The following ABCF1 variants were observed in gnomAD, a reference collection of about 807,000 sequenced individuals.
ABCF1 encodes the protein ATP binding cassette subfamily F member 1.
In ABCF1, 73 loss-of-function variants were observed where a neutral mutation model predicts 126.3. The ratio of observed to expected loss-of-function variants is 0.58; its 90% CI spans 0.48 to 0.70. ABCF1 has a LOEUF of 0.70. Among genes scored for constraint, ABCF1 ranks in the 30% least tolerant of loss-of-function variants. ABCF1 has a pLI of 0.00. For missense variants in ABCF1, 786 were observed against 1,057.5 expected (o/e 0.74, Z 3.56); for synonymous variants, 345 against 396.4 (o/e 0.87, Z 1.54).
chr6:30,585,715 G>A (rs1371701184), intron 16 of ABCF1, 33 bp downstream of exon 16: 2 of 1,609,124 alleles, frequency 1.2e-6, no homozygotes, highest in East Asian at 2.2e-5. Flanking sequence ...GCAGGGAAGA[G>A]ATAGAACCTC....
At chr6:30,576,057 G>A (rs1445698619) in intron 1 of ABCF1, among the ~76,000 whole-genome samples, 1 of 142,650 alleles carries the variant, frequency 7.0e-6, no homozygotes, top group African/African-American at 2.6e-5. Flanking sequence ...CTGGGTGACA[G>A]AGCAAGACCC....
chr6:30,582,938 CT>C, intron 9 of ABCF1, 127 bp from the exon 10 acceptor site: 2 of 1,257,046 alleles, frequency 1.6e-6, no homozygotes, highest in South Asian at 2.9e-5. Flanking sequence ...AGAGATCCAC[CT>C]ACCTCAGCCT....
Position 30,584,474 on chromosome 6 carries a change from G to GA in ABCF1, c.1300dup (p.Ile434AsnfsTer8). On this transcript the variant is annotated frameshift_variant, in exon 14 of 25. Transcript: ENST00000326195. LOFTEE classifies it high-confidence loss of function. This position sits in a 1 kb window ranked among gnomAD's most constrained non-coding sequence, Gnocchi z 4.6. ...CAGCTGCAGAGGCCAAAGCACGGCG[G>GA]ATCCTGGCTGGCCTGGGCTTTGACC... The GA allele has an allele frequency of 6.2e-7, 1 of 1,613,080 alleles. No homozygotes were observed. The highest frequency in any genetic ancestry group is 8.5e-7 in the Non-Finnish European group (1 of 1,180,036).
Position 30,583,239 on chromosome 6 carries a change from T to G in ABCF1, c.915+51T>G, listed in dbSNP as rs755917050. ...GTCCACTTACCTAGGGAAGAGCCAG[T>G]TCTCTCATCTTCCCTGAGTGGCTGT... On this transcript the variant is annotated intron_variant, in intron 10 of 24. Transcript: ENST00000326195. The surrounding 1 kb of genome is among the most constrained non-coding windows in gnomAD (Gnocchi z 4.1). 3.2e-6 allele frequency: 5 copies of G among 1,565,332 alleles called. No individual in the cohort carries two copies. Among genetic ancestry groups the G allele is most frequent in the Non-Finnish European group, 4.3e-6 (5 of 1,149,590 alleles).
At chr6:30,575,896 C>T (rs1348409678) in intron 1 of ABCF1, among the ~76,000 whole-genome samples, 1 of 151,890 alleles carries the variant, frequency 6.6e-6, no homozygotes, top group Non-Finnish European at 1.5e-5. Context: ...ATAGTGAGAC[C>T]TCCTCTCTAA....
At chr6:30,585,152 TG>T in intron 14 of ABCF1, 107 bp from the exon 15 acceptor site, 1 of 980,364 alleles carries the variant, frequency 1.0e-6, no homozygotes, top group Non-Finnish European at 1.6e-6. Flanking sequence ...GAGGAGAGCT[TG>T]GGAAGGAGTG....
At chr6:30,580,093 T>G in intron 7 of ABCF1, 88 bp downstream of exon 7, 2 of 1,338,846 alleles carry the variant, frequency 1.5e-6, no homozygotes, top group Non-Finnish European at 2.1e-6. Context: ...ACGCCTGTAA[T>G]CCCAGCACTT....
At chr6:30,571,622 T>C in intron 1 of ABCF1, 62 bp downstream of exon 1, 1 of 1,544,248 alleles carries the variant, frequency 6.5e-7, no homozygotes. Context: ...CTGCGCGTGT[T>C]TTAAGAGAGG....
rs1391944131 is a variant in ABCF1 at position 30,584,408 on chromosome 6, C to A, written c.1243-10C>A. Reference sequence around the variant, plus strand: ...CCCTCAGACGTGTGTCCTCTTCTCCCTCCTCCCAGGTGTATGAGGAATTGC... The same window carrying A: ...CCCTCAGACGTGTGTCCTCTTCTCCATCCTCCCAGGTGTATGAGGAATTGC... On this transcript the variant is annotated splice_polypyrimidine_tract_variant and intron_variant, in intron 13 of 24. Transcript: ENST00000326195. This position sits in a 1 kb window ranked among gnomAD's most constrained non-coding sequence, Gnocchi z 4.6. 1 of 1,612,978 alleles carries A rather than the reference C, an allele frequency of 6.2e-7. No homozygotes were observed. The highest frequency in any genetic ancestry group is 2.2e-5 in the East Asian group (1 of 44,888).
At chr6:30,576,564 C>T (rs1337220650) in intron 1 of ABCF1, among the ~76,000 whole-genome samples, 1 of 152,062 alleles carries the variant, frequency 6.6e-6, no homozygotes, top group African/African-American at 2.4e-5. Flanking sequence ...GCCGGGATTA[C>T]AGGCATGAGC....
intron 20 of ABCF1, chr6:30,589,464 G>A (rs1274150933): frequency 5.1e-6 from 3 of 590,706 alleles, no homozygotes; most frequent in Non-Finnish European, 8.9e-6. Flanking sequence ...TTAGCCGGGT[G>A]TGGTGGCAGG....
chr6:30,579,691 T>C (rs1801704157), intron 6 of ABCF1, among the ~76,000 whole-genome samples: 1 of 151,868 alleles, frequency 6.6e-6, no homozygotes, highest in South Asian at 2.1e-4. Flanking sequence ...CTCTTGACCT[T>C]GTGATCCACC....
At chr6:30,576,991 A>G (rs765875100) in intron 1 of ABCF1, among the ~76,000 whole-genome samples, 3 of 152,172 alleles carry the variant, frequency 2.0e-5, no homozygotes, top group African/African-American at 4.8e-5. Context: ...CTTAAATGCC[A>G]TCTTCTTAGA....
At chr6:30,575,750 T>C (rs897802047) in intron 1 of ABCF1, among the ~76,000 whole-genome samples, 2 of 151,976 alleles carry the variant, frequency 1.3e-5, no homozygotes, top group Non-Finnish European at 2.9e-5. Context: ...TAACTCTATT[T>C]ACATGGCCTA....
At position 30,583,542 on chromosome 6, in the gene ABCF1, G is replaced by C. The variant is rs1322999776; in HGVS notation, c.916-66G>C. The C allele has an allele frequency of 1.5e-5, 23 of 1,549,822 alleles. No homozygotes were observed. The highest frequency in any genetic ancestry group is 1.7e-5 in the Non-Finnish European group (19 of 1,123,814). The stretch of plus-strand genomic sequence containing the variant: ...CTGCAGGGAGAAAGTGGCCGCTCCT[G>C]TCCCAAAGGGAGAATTTTCATGTGA... On this transcript the variant is annotated intron_variant, in intron 10 of 24. Transcript: ENST00000326195. This position sits in a 1 kb window ranked among gnomAD's most constrained non-coding sequence, Gnocchi z 4.1.
intron 8 of ABCF1, among the ~76,000 whole-genome samples, chr6:30,582,139 C>G (rs1801848721): frequency 6.6e-6 from 1 of 151,822 alleles, no homozygotes; most frequent in Non-Finnish European, 1.5e-5. Flanking sequence ...TCACTGCAAG[C>G]TCCTCCTCCC....
chr6:30,583,591 T>C lies in ABCF1; in HGVS notation c.916-17T>C, dbSNP rs546045569. The stretch of plus-strand genomic sequence containing the variant: ...GATCATCCCTTCCCTCTGCCACCTC[T>C]TTCCTGATGGCTGCAGCTGGAGAAG... On this transcript the variant is annotated splice_polypyrimidine_tract_variant and intron_variant, in intron 10 of 24. Transcript: ENST00000326195. This position sits in a 1 kb window ranked among gnomAD's most constrained non-coding sequence, Gnocchi z 4.1. The C allele has an allele frequency of 6.9e-5, 112 of 1,613,562 alleles. No homozygotes were observed. In the South Asian group the frequency reaches 1.2e-3, roughly 17 times the overall value.
At chr6:30,575,449 G>A (rs1267654114) in intron 1 of ABCF1, among the ~76,000 whole-genome samples, 1 of 151,866 alleles carries the variant, frequency 6.6e-6, no homozygotes, top group Admixed American at 6.6e-5. Flanking sequence ...TGTTTTGGAA[G>A]AGAAGATAAT....
Position 30,578,130 on chromosome 6 carries a change from G to GA in ABCF1, c.272dup (p.Asp91GlufsTer12). The GA allele has an allele frequency of 6.2e-7, 1 of 1,614,162 alleles. No individual in the cohort carries two copies. The highest frequency in any genetic ancestry group is 8.5e-7 in the Non-Finnish European group (1 of 1,180,038). ...CAGGCGGAAGAAGGATGTGGATGAT[G>GA]ATGGAGAAGAGAAAGAGCTCATGGA... On this transcript the variant is annotated frameshift_variant, in exon 4 of 25. Transcript: ENST00000326195. LOFTEE classifies it high-confidence loss of function.
Sources: gnomAD v4.1 joint callset for allele counts (sites outside exome capture counted in the v4.1 genomes callset) on GRCh38, gnomAD v4.1.1 for gene constraint, Gnocchi (gnomAD v3.1) non-coding constraint, MANE v1.5 for transcripts, NCBI Gene and HGNC (gene_info 2026-07-23, HGNC 2026-07-21) for gene names.